Variants in CXCL9 observed in about 807,000 individuals in gnomAD.
CXCL9 encodes C-X-C motif chemokine ligand 9, also known as C-X-C motif chemokine 9.
A neutral mutation model predicts 11.7 loss-of-function variants in CXCL9; 8 were observed. That is an observed-to-expected ratio of 0.68 (90% CI 0.40 to 1.23). The LOEUF is 1.23. CXCL9 is among the 50% of genes most tolerant of loss of function. CXCL9 has a pLI of 0.01. For missense variants in CXCL9, 133 were observed against 141.7 expected, an observed-to-expected ratio of 0.94 and a Z score of 0.31; for synonymous variants, 43 against 48.2, an observed-to-expected ratio of 0.89 and a Z score of 0.45.
In CXCL9 at chr4:76,003,557, G is replaced by A. The variant is rs1296412455; in HGVS notation, c.*41C>T. 8.7e-7 allele frequency: 1 copy of A among 1,150,708 alleles called. No individual in the cohort carries two copies. The highest frequency in any genetic ancestry group is 1.3e-5 in the South Asian group (1 of 77,426). 71.3% of individuals were successfully genotyped at this position (1,150,708 alleles called of 1,614,324 possible). On this transcript the variant is annotated 3_prime_UTR_variant, in exon 4 of 4. Transcript: ENST00000264888. ...GAATGATAGCGGTATAATTAAAATA[G>A]AACATTTTTAACACAGAATACTTAT... is the stretch of plus-strand genomic sequence containing the variant.
At chr4:76,004,756 T>C in intron 3 of CXCL9, 53 bp downstream of exon 3, 1 of 1,573,894 alleles carries the variant, frequency 6.4e-7, no homozygotes, top group Non-Finnish European at 8.6e-7. Flanking sequence ...ATTCTTTGTC[T>C]TCTAAAGTTA....
At chr4:76,003,823 C>A in intron 3 of CXCL9, 124 bp from the exon 4 acceptor site, 1 of 634,446 alleles carries the variant, frequency 1.6e-6, no homozygotes, top group Non-Finnish European at 2.8e-6. Flanking sequence ...AAAGTCACTT[C>A]ACTCTCAGAG....
At chr4:76,005,629 T>C (rs1314139105) in intron 2 of CXCL9, 3 of 152,300 alleles carry the variant, frequency 2.0e-5, no homozygotes, top group Admixed American at 6.5e-5. Flanking sequence ...TATGATGAAA[T>C]ACAGTTTGGC....
intron 1 of CXCL9, among the ~76,000 whole-genome samples, 166 bp downstream of exon 1, chr4:76,007,220 C>A (rs865803958): frequency 4.6e-5 from 7 of 152,154 alleles, no homozygotes; most frequent in African/African-American, 1.4e-4. Context: ...CTTGGCAGAT[C>A]GAAGTTATGA....
chr4:76,003,520 C>T lies in CXCL9; in HGVS notation c.*78G>A, dbSNP rs2149341551. 9 of 795,746 alleles carry T rather than the reference C, an allele frequency of 1.1e-5. No homozygotes were observed. The highest frequency in any genetic ancestry group is 3.2e-5 in the South Asian group (2 of 63,086). 49.3% of individuals were successfully genotyped at this position (795,746 alleles called of 1,614,324 possible). ...ATTAATAAGCCTTTGTATTATATGC[C>T]ATCCTCCTTTGGAATGATAGCGGTA... is the stretch of plus-strand genomic sequence containing the variant. On this transcript the variant is annotated 3_prime_UTR_variant, in exon 4 of 4. Coordinates refer to ENST00000264888, the MANE Select transcript of CXCL9 (RefSeq NM_002416.3).
chr4:76,003,317 CTGTGTAGACATG>C lies in CXCL9; in HGVS notation c.*269_*280del, dbSNP rs1294064933. 1 of 323,998 alleles carries C rather than the reference CTGTGTAGACATG, an allele frequency of 3.1e-6. No individual in the cohort carries two copies. The highest frequency in any genetic ancestry group is 5.6e-6 in the Non-Finnish European group (1 of 177,456). The allele number at this position is 323,998 out of a possible 1,614,324, so 20.1% of individuals were successfully genotyped here. ...GAGTGGGATGTGGTTGGGTGAACAT[CTGTGTAGACATG>C]GGTATTGCTAAAATCATGGCCTTAA... On this transcript the variant is annotated 3_prime_UTR_variant, in exon 4 of 4. Transcript: ENST00000264888.
At chr4:76,004,944 G>T (rs765471587) in intron 2 of CXCL9, 51 bp from the exon 3 acceptor site, 1 of 1,478,306 alleles carries the variant, frequency 6.8e-7, no homozygotes, top group Non-Finnish European at 9.0e-7. Context: ...TAATTTAAAT[G>T]CTTCTTCTCA....
Position 76,006,214 on chromosome 4 carries a change from T to A in CXCL9, c.125A>T (p.His42Leu), listed in dbSNP as rs1477602638. 1.2e-6 allele frequency: 2 copies of A among 1,613,688 alleles called. No homozygotes were observed. Among genetic ancestry groups the A allele is most frequent in the Non-Finnish European group, 1.7e-6 (2 of 1,179,742 alleles). The change falls in exon 2 of 4, where the codon CAC becomes CTC. Residue 42 changes from histidine to leucine, a missense_variant. Transcript: ENST00000264888. Reference protein sequence around the residue: ...SCISTNQGTIHLQSLKDLKQF... With the variant: ...SCISTNQGTILLQSLKDLKQF... ...TTTAAGGTCTTTCAAGGATTGTAGG[T>A]GGATAGTCCCTTGGTTGGTGCTGAT...
intron 3 of CXCL9, 82 bp from the exon 4 acceptor site, chr4:76,003,781 G>A (rs765203574): frequency 5.1e-5 from 39 of 767,946 alleles, no homozygotes; most frequent in African/African-American, 1.0e-4. Flanking sequence ...CCTGATCATT[G>A]TCTCATACCC....
chr4:76,004,972 T>C (rs1228612546), intron 2 of CXCL9, 79 bp from the exon 3 acceptor site: 3 of 1,455,700 alleles, frequency 2.1e-6, no homozygotes, highest in East Asian at 5.0e-5. Flanking sequence ...TGAAAATCAG[T>C]ATGAATTGTG....
In CXCL9 at chr4:76,004,906, T is replaced by C. The variant is rs372997222; in HGVS notation, c.192-13A>G. On this transcript the variant is annotated splice_polypyrimidine_tract_variant and intron_variant, in intron 2 of 3. Transcript: ENST00000264888. ...CTTCAGTGTAGCACTGCCAAAGAAATAGCAATGAGATAGTTTTTTCTCATT... is the reference window on the plus strand; with the variant it reads ...CTTCAGTGTAGCACTGCCAAAGAAACAGCAATGAGATAGTTTTTTCTCATT... The C allele has an allele frequency of 1.2e-4, 184 of 1,533,594 alleles. 2 individuals are homozygous for C. The South Asian group carries it at 2.2e-3, about 18-fold the overall frequency. 95.0% of individuals were successfully genotyped at this position (1,533,594 alleles called of 1,614,324 possible).
At chr4:76,006,666 A>G (rs552920653) in intron 1 of CXCL9, among the ~76,000 whole-genome samples, 3 of 152,362 alleles carry the variant, frequency 2.0e-5, no homozygotes, top group African/African-American at 7.2e-5. Flanking sequence ...CAGTTTCTTA[A>G]GCAACTCCTA....
chr4:76,003,541 C>T lies in CXCL9; in HGVS notation c.*57G>A, dbSNP rs557305539. 4.2e-5 allele frequency: 40 copies of T among 956,442 alleles called. 1 individual carries two copies. Among genetic ancestry groups the T allele is most frequent in the South Asian group, 2.0e-4 (14 of 71,768 alleles). The allele number at this position is 956,442 out of a possible 1,614,324, so 59.2% of individuals were successfully genotyped here. A position where few individuals can be genotyped will look rare whatever the true frequency, so the allele number is the denominator to read the frequency against. On this transcript the variant is annotated 3_prime_UTR_variant, in exon 4 of 4. Transcript: ENST00000264888. ...ATGCCATCCTCCTTTGGAATGATAG[C>T]GGTATAATTAAAATAGAACATTTTT...
chr4:76,003,827 C>T lies in CXCL9; in HGVS notation c.277-128G>A, dbSNP rs915341972. On this transcript the variant is annotated intron_variant, in intron 3 of 3. Coordinates refer to ENST00000264888, the MANE Select transcript of CXCL9 (RefSeq NM_002416.3). ...AAAACCACATTAAAGTCACTTCACT[C>T]TCAGAGGGGCTCCCTTAGATTCTCT... is the stretch of plus-strand genomic sequence containing the variant. 4.8e-6 allele frequency: 3 copies of T among 620,462 alleles called. No individual in the cohort carries two copies. In the African/African-American group the frequency reaches 5.5e-5, roughly 11 times the overall value. 38.4% of individuals were successfully genotyped at this position (620,462 alleles called of 1,614,324 possible). A position where few individuals can be genotyped will look rare whatever the true frequency, so the allele number is the denominator to read the frequency against.
intron 2 of CXCL9, 164 bp from the exon 3 acceptor site, chr4:76,005,057 T>C: frequency 1.8e-6 from 2 of 1,126,656 alleles, no homozygotes; most frequent in Non-Finnish European, 2.3e-6. Flanking sequence ...TTTTTTTTTT[T>C]CTTTTTTTGA....
chr4:76,007,341 G>C (rs766932866), intron 1 of CXCL9, 45 bp downstream of exon 1: 5 of 1,031,678 alleles, frequency 4.8e-6, no homozygotes, highest in East Asian at 4.7e-5. Flanking sequence ...TTCTTTTACA[G>C]TGAATCACTT....
Position 76,003,686 on chromosome 4 carries a change from T to C in CXCL9, c.290A>G (p.Lys97Arg), listed in dbSNP as rs1560567256. 2 of 1,606,086 alleles carry C rather than the reference T, an allele frequency of 1.2e-6. No homozygotes were observed. Among genetic ancestry groups the C allele is most frequent in the African/African-American group, 1.3e-5 (1 of 74,752 alleles). ...KKWEKQVSQK[K>R]KQKNGKKHQK... is the part of the protein sequence containing the mutation. ...ATGTTTTTTCCCATTCTTTTGCTTT[T>C]TCTTTTGGCTGACCTGTGAGAAGAA... is the stretch of plus-strand genomic sequence containing the variant. The change falls in exon 4 of 4, where the codon AAA becomes AGA. Residue 97 changes from lysine to arginine, a missense_variant. Lys to Arg is a conservative substitution (Grantham distance 26, BLOSUM62 2). Coordinates refer to ENST00000264888, the MANE Select transcript of CXCL9 (RefSeq NM_002416.3).
rs1040081960 is a variant in CXCL9, at chr4:76,003,545, A to G, written c.*53T>C. 6.0e-6 allele frequency: 6 copies of G among 1,004,412 alleles called. No homozygotes were observed. The African/African-American group carries it at 8.0e-5, about 13-fold the overall frequency. The allele number at this position is 1,004,412 out of a possible 1,614,324, so 62.2% of individuals were successfully genotyped here. A position where few individuals can be genotyped will look rare whatever the true frequency, so the allele number is the denominator to read the frequency against. ...CATCCTCCTTTGGAATGATAGCGGT[A>G]TAATTAAAATAGAACATTTTTAACA... On this transcript the variant is annotated 3_prime_UTR_variant, in exon 4 of 4. Coordinates refer to ENST00000264888, the MANE Select transcript of CXCL9 (RefSeq NM_002416.3).
chr4:76,002,648 G>A lies in CXCL9; in HGVS notation c.*950C>T, dbSNP rs994538608. ...AGCTGACAATCTGGTTGGAGAGATA[G>A]GATAAACACCCAAGAATTAGTTAAC... is the stretch of plus-strand genomic sequence containing the variant. On this transcript the variant is annotated 3_prime_UTR_variant, in exon 4 of 4. Coordinates refer to ENST00000264888, the MANE Select transcript of CXCL9 (RefSeq NM_002416.3). 6.2e-6 allele frequency: 2 copies of A among 320,476 alleles called. No homozygotes were observed. The highest frequency in any genetic ancestry group is 1.1e-5 in the Non-Finnish European group (2 of 177,464). 19.9% of individuals were successfully genotyped at this position (320,476 alleles called of 1,614,324 possible). A position where few individuals can be genotyped will look rare whatever the true frequency, so the allele number is the denominator to read the frequency against.
Sources: allele counts gnomAD v4.1 joint callset (sites outside exome capture counted in the v4.1 genomes callset), GRCh38; gene constraint gnomAD v4.1.1; transcripts MANE v1.5; gene names NCBI Gene and HGNC (gene_info 2026-07-23, HGNC 2026-07-21).